The following NETO1 variants were observed in gnomAD, a reference collection of about 807,000 sequenced individuals.
NETO1 encodes neuropilin and tolloid-like protein 1.
In NETO1, 26 loss-of-function variants were observed where a neutral mutation model predicts 61.3. The ratio of observed to expected loss-of-function variants is 0.42; its 90% confidence interval spans 0.31 to 0.59. NETO1 has a LOEUF of 0.59. NETO1 is among the 20% of genes least tolerant of loss of function. The pLI is 0.12. For synonymous variants in NETO1, 225 were observed against 225.8 expected, an observed-to-expected ratio of 1.00 and a Z score of 0.03; for missense variants, 531 against 662.8, an observed-to-expected ratio of 0.80 and a Z score of 2.18.
chr18:72,786,871 G>A (rs1397097148), intron 6 of NETO1, among the ~76,000 whole-genome samples: 3 of 150,134 alleles, frequency 2.0e-5, no homozygotes, highest in African/African-American at 4.9e-5. Flanking sequence ...TGGAGGTTGC[G>A]CCACTGCACT....
In NETO1 at chr18:72,744,211, T is replaced by TA. The variant is rs1235837867; in HGVS notation, c.*3967dup. The TA allele has an allele frequency of 1.3e-5, 2 of 152,212 alleles. No individual in the cohort carries two copies. Among genetic ancestry groups the TA allele is most frequent in the Non-Finnish European group, 2.9e-5 (2 of 68,032 alleles). 9.4% of individuals were successfully genotyped at this position (152,212 alleles called of 1,614,324 possible). ...GTCTGACATCAGTCACCCTAATTGTTATTTTTATTACCCTGTTTTATTTAT... is the reference window on the plus strand; with the variant it reads ...GTCTGACATCAGTCACCCTAATTGTTAATTTTTATTACCCTGTTTTATTTAT... On this transcript the variant is annotated 3_prime_UTR_variant, in exon 11 of 11. Coordinates refer to ENST00000327305, the MANE Select transcript of NETO1 (RefSeq NM_138966.5).
chr18:72,845,585 T>C (rs1392356996), intron 4 of NETO1, among the ~76,000 whole-genome samples: 1 of 152,222 alleles, frequency 6.6e-6, no homozygotes, highest in Non-Finnish European at 1.5e-5. Context: ...CCGAGCATCA[T>C]GTAACATATT....
At chr18:72,849,964 C>T (rs1472654390) in intron 4 of NETO1, among the ~76,000 whole-genome samples, 4 of 152,210 alleles carry the variant, frequency 2.6e-5, no homozygotes, top group Non-Finnish European at 5.9e-5. Context: ...CTGCCTCCTT[C>T]GTTACATACT....
intron 7 of NETO1, among the ~76,000 whole-genome samples, chr18:72,763,124 T>TA (rs1165606530): frequency 1.4e-5 from 2 of 138,462 alleles, no homozygotes; most frequent in Non-Finnish European, 3.3e-5. Flanking sequence ...CTTATTCTAT[T>TA]AGATTTCGTT....
At chr18:72,762,099 TAAAAG>T (rs2070993343) in intron 7 of NETO1, among the ~76,000 whole-genome samples, 1 of 152,110 alleles carries the variant, frequency 6.6e-6, no homozygotes, top group Non-Finnish European at 1.5e-5. Flanking sequence ...TCTTAATTCT[TAAAAG>T]AACATAGAAT....
At chr18:72,836,818 G>A (rs8093076) in intron 4 of NETO1, among the ~76,000 whole-genome samples, 146,543 of 152,224 alleles carry the variant, frequency 0.96, 70,627 homozygotes, top group Non-Finnish European at 0.99. Flanking sequence ...TTTGTTTCGT[G>A]TATCTCGGAT....
intron 7 of NETO1, among the ~76,000 whole-genome samples, chr18:72,760,787 G>A (rs1456229023): frequency 2.0e-5 from 3 of 152,146 alleles, no homozygotes; most frequent in African/African-American, 7.2e-5. Flanking sequence ...GGAGAGTACT[G>A]TGCAGAGACT....
chr18:72,816,005 A>T lies in NETO1; in HGVS notation c.470-21601T>A, dbSNP rs575779635. 2.0e-5 allele frequency among the ~76,000 whole-genome samples: 3 copies of T among 152,276 alleles called. No individual in the cohort carries two copies. The East Asian group carries it at 5.8e-4, about 29-fold the overall frequency. ...ACAGGTACAGATAGAGGTAAGGTAC[A>T]TATAGAGATCAACATAAGAAGAATT... On this transcript the variant is annotated intron_variant, in intron 4 of 10. Transcript: ENST00000327305.
intron 4 of NETO1, among the ~76,000 whole-genome samples, chr18:72,836,433 G>A (rs1599115916): frequency 6.6e-6 from 1 of 152,058 alleles, no homozygotes; most frequent in East Asian, 1.9e-4. Context: ...ATTTAAATAT[G>A]TGACTTAATA....
At chr18:72,792,342 G>A (rs2085970764) in intron 6 of NETO1, among the ~76,000 whole-genome samples, 1 of 152,020 alleles carries the variant, frequency 6.6e-6, no homozygotes, top group South Asian at 2.1e-4. Context: ...ATCGCTTGAG[G>A]TGGGAGGTGG....
chr18:72,795,632 T>C (rs1280832819), intron 4 of NETO1, among the ~76,000 whole-genome samples: 1 of 152,180 alleles, frequency 6.6e-6, no homozygotes, highest in Admixed American at 6.5e-5. Flanking sequence ...AAATTGTTTA[T>C]GTTCATGGTG....
At chr18:72,797,120 T>A (rs2072342732) in intron 4 of NETO1, among the ~76,000 whole-genome samples, 1 of 152,222 alleles carries the variant, frequency 6.6e-6, no homozygotes, top group African/African-American at 2.4e-5. Flanking sequence ...TTAAGAATAA[T>A]GCTTAATTAT....
chr18:72,790,042 ATTT>A (rs1010301187), intron 6 of NETO1, among the ~76,000 whole-genome samples: 29 of 152,160 alleles, frequency 1.9e-4, no homozygotes, highest in Non-Finnish European at 3.8e-4. Context: ...TATATTTTTT[ATTT>A]TAATTTGACT....
rs1352841242 is a variant in NETO1, at chr18:72,745,014, T to A, written c.*3165A>T. ...CGTCTAAGTTACTTAACACTGAGGATCATAACTTATGGAGTCATCAGACTC... is the reference window on the plus strand; with the variant it reads ...CGTCTAAGTTACTTAACACTGAGGAACATAACTTATGGAGTCATCAGACTC... On this transcript the variant is annotated 3_prime_UTR_variant, in exon 11 of 11. Transcript: ENST00000327305. 6.6e-6 allele frequency: 1 copy of A among 152,156 alleles called. No homozygotes were observed. The highest frequency in any genetic ancestry group is 1.5e-5 in the Non-Finnish European group (1 of 68,026). 9.4% of individuals were successfully genotyped at this position (152,156 alleles called of 1,614,324 possible).
chr18:72,781,049 A>T (rs2071717537), intron 7 of NETO1, among the ~76,000 whole-genome samples: 1 of 152,210 alleles, frequency 6.6e-6, no homozygotes, highest in Admixed American at 6.5e-5. Context: ...AGTTTGAATG[A>T]AATAAGACCA....
intron 6 of NETO1, among the ~76,000 whole-genome samples, chr18:72,791,247 A>G (rs2072106071): frequency 6.6e-6 from 1 of 152,206 alleles, no homozygotes; most frequent in African/African-American, 2.4e-5. Flanking sequence ...AATAATGTGT[A>G]TACATTTTAA....
intron 4 of NETO1, among the ~76,000 whole-genome samples, chr18:72,851,311 T>G (rs539912594): frequency 9.9e-4 from 150 of 152,008 alleles, no homozygotes; most frequent in Non-Finnish European, 1.9e-4. Context: ...CTAGGGAGGC[T>G]GAGGCAGGAG....
intron 4 of NETO1, among the ~76,000 whole-genome samples, chr18:72,809,384 A>C (rs556081508): frequency 6.6e-6 from 1 of 152,226 alleles, no homozygotes; most frequent in African/African-American, 2.4e-5. Context: ...CCTGTATGTA[A>C]CTAACACTTA....
Position 72,858,919 on chromosome 18 carries a change from T to G in NETO1, c.376A>C (p.Ile126Leu). 6.2e-7 allele frequency: 1 copy of G among 1,613,992 alleles called. No homozygotes were observed. The highest frequency in any genetic ancestry group is 8.5e-7 in the Non-Finnish European group (1 of 1,179,888). The change falls in exon 4 of 11, where the codon ATA becomes CTA. Residue 126 changes from isoleucine (I) to leucine (L), a missense_variant. Coordinates refer to ENST00000327305, the MANE Select transcript of NETO1 (RefSeq NM_138966.5). Reference sequence around the variant, plus strand: ...CATAGAAATCTTCCACTGGATTTTATGACAGGTGGATTTTGTTGTCCACAG... The same window carrying G: ...CATAGAAATCTTCCACTGGATTTTAGGACAGGTGGATTTTGTTGTCCACAG... ...RFCGQQNPPV[I>L]KSSGRFLWIK...
Sources: gnomAD v4.1 joint callset for allele counts (sites outside exome capture counted in the v4.1 genomes callset) on GRCh38, gnomAD v4.1.1 for gene constraint, MANE v1.5 for transcripts, NCBI Gene and HGNC (gene_info 2026-07-23, HGNC 2026-07-21) for gene names.